The following MARCHF1 variants were observed in gnomAD, a reference collection of about 807,000 sequenced individuals.
The protein encoded by MARCHF1 is E3 ubiquitin-protein ligase MARCHF1.
A neutral mutation model predicts 54.2 loss-of-function variants in MARCHF1; 40 were observed. The observed-to-expected ratio is 0.74, with a 90% CI of 0.57 to 0.96. The LOEUF (loss-of-function observed/expected upper bound fraction) is 0.96, where lower values mean the gene tolerates loss of function less well. MARCHF1 is among the 40% of genes least tolerant of loss of function. MARCHF1 has a pLI of 0.00. For synonymous variants in MARCHF1, 236 were observed against 236.3 expected, an observed-to-expected ratio of 1.00 and a Z score of 0.01; for missense variants, 586 against 656.5, an observed-to-expected ratio of 0.89 and a Z score of 1.17.
chr4:164,125,323 T>C (rs140651028), intron 1 of MARCHF1, among the ~76,000 whole-genome samples: 102 of 152,216 alleles, frequency 6.7e-4, no homozygotes, highest in African/African-American at 2.3e-3. Flanking sequence ...ACTCAATGAA[T>C]AAATACTTAA....
intron 3 of MARCHF1, among the ~76,000 whole-genome samples, chr4:163,887,332 A>T (rs893855450): frequency 6.6e-6 from 1 of 152,166 alleles, no homozygotes; most frequent in Admixed American, 6.6e-5. Context: ...CAATCACTCA[A>T]AGAAACTGGG....
chr4:164,311,490 C>T (rs115879500), intron 1 of MARCHF1, among the ~76,000 whole-genome samples: 8 of 152,162 alleles, frequency 5.3e-5, no homozygotes, highest in Admixed American at 3.9e-4. Flanking sequence ...TATAAGAAAC[C>T]TTTCCAATGA....
rs532610707 is a variant in MARCHF1, at chr4:164,101,185, G to T, written c.-248+10403C>A. 3.3e-5 allele frequency among the ~76,000 whole-genome samples: 5 copies of T among 152,358 alleles called. 1 individual carries two copies. Among genetic ancestry groups the T allele is most frequent in the Middle Eastern group, 6.8e-3 (2 of 294 alleles). On this transcript the variant is annotated intron_variant, in intron 2 of 9. Coordinates refer to ENST00000514618, the MANE Select transcript of MARCHF1 (RefSeq NM_001394959.1). ...CTGCAAGGCAGCAGCGAGGCCGGGG[G>T]AGGGGCACCCGCCATTGCCCAGGCT...
At chr4:163,864,656 T>A (rs976682324) in intron 3 of MARCHF1, among the ~76,000 whole-genome samples, 4 of 151,962 alleles carry the variant, frequency 2.6e-5, no homozygotes, top group Non-Finnish European at 5.9e-5. Context: ...GGGAACTCCT[T>A]GCAATAGGTT....
intron 2 of MARCHF1, among the ~76,000 whole-genome samples, chr4:164,024,230 A>G (rs1454820365): frequency 6.6e-6 from 1 of 152,134 alleles, no homozygotes; most frequent in Non-Finnish European, 1.5e-5. Context: ...TCCAAGAAAT[A>G]TAAAGTACCC....
chr4:164,159,373 A>G (rs1313434525), intron 1 of MARCHF1, among the ~76,000 whole-genome samples: 1 of 152,152 alleles, frequency 6.6e-6, no homozygotes. Flanking sequence ...TCTTTACCAC[A>G]AAACGTCCAT....
rs569554245 is a variant in MARCHF1, at chr4:163,638,582, T to A, written c.163-25189A>T. Among the ~76,000 whole-genome samples the A allele has an allele frequency of 1.2e-4, 18 of 152,236 alleles. No homozygotes were observed. In the East Asian group the frequency reaches 1.9e-3, roughly 16 times the overall value. On this transcript the variant is annotated intron_variant, in intron 5 of 9. Transcript: ENST00000514618. ...AAGAGTCAATCAAATTACTTTTTTT[T>A]AAATTACCCAGCCTCAGATATTTCT... is the stretch of plus-strand genomic sequence containing the variant.
At position 163,612,900 on chromosome 4, in the gene MARCHF1, T is replaced by C; in HGVS notation, c.381A>G (p.Arg127=). 3 of 1,535,538 alleles carry C rather than the reference T, an allele frequency of 2.0e-6. No individual in the cohort carries two copies. Among genetic ancestry groups the C allele is most frequent in the Non-Finnish European group, 2.6e-6 (3 of 1,146,544 alleles). The stretch of plus-strand genomic sequence containing the variant: ...TTTGTTCTTCTGCAGCATGCTCATA[T>C]CTCTCAGAGGCTTTTCTCCTCCTCC... ...RPRRRRKASE[R]YEHAAEEQIR... is the part of the protein sequence containing the mutation. The change falls in exon 7 of 10, where the codon AGA becomes AGG. Residue 127 remains arginine (R), a synonymous_variant. Transcript: ENST00000514618.
intron 4 of MARCHF1, among the ~76,000 whole-genome samples, chr4:163,721,000 C>T (rs1056218458): frequency 6.6e-6 from 1 of 152,136 alleles, no homozygotes; most frequent in Non-Finnish European, 1.5e-5. Context: ...TTCCTCTTTT[C>T]CTAATTGAAT....
intron 3 of MARCHF1, among the ~76,000 whole-genome samples, chr4:163,971,404 C>G (rs1170389886): frequency 2.0e-5 from 3 of 152,088 alleles, no homozygotes; most frequent in Admixed American, 2.0e-4. Flanking sequence ...TGGTTATTGC[C>G]CATAGAAAAC....
intron 4 of MARCHF1, among the ~76,000 whole-genome samples, chr4:163,731,436 T>C (rs958948008): frequency 6.6e-6 from 1 of 152,054 alleles, no homozygotes; most frequent in African/African-American, 2.4e-5. Flanking sequence ...GATAGACAAA[T>C]AAAGTGAGGC....
chr4:163,530,145 A>G (rs554937713), intron 9 of MARCHF1: 1 of 152,114 alleles, frequency 6.6e-6, no homozygotes, highest in Admixed American at 6.6e-5. Flanking sequence ...GCAAAGCAGA[A>G]ATCATGCCCT....
chr4:164,296,046 G>C (rs1200206187), intron 1 of MARCHF1, among the ~76,000 whole-genome samples: 1 of 152,074 alleles, frequency 6.6e-6, no homozygotes. Context: ...CTCTTAAACG[G>C]AAATTCCCAG....
At chr4:164,288,984 A>T (rs1050680319) in intron 1 of MARCHF1, among the ~76,000 whole-genome samples, 2 of 152,084 alleles carry the variant, frequency 1.3e-5, no homozygotes, top group East Asian at 1.9e-4. Context: ...AGAATTGACT[A>T]TGTAAAAAAT....
At chr4:164,370,672 G>A (rs1425813647) in intron 1 of MARCHF1, among the ~76,000 whole-genome samples, 1 of 152,216 alleles carries the variant, frequency 6.6e-6, no homozygotes, top group Non-Finnish European at 1.5e-5. Context: ...ACTTTGGGAA[G>A]CCCAGGCGGG....
intron 5 of MARCHF1, among the ~76,000 whole-genome samples, chr4:163,680,143 A>G (rs1310912866): frequency 6.6e-6 from 1 of 152,142 alleles, no homozygotes; most frequent in Admixed American, 6.5e-5. Context: ...GATCTGGTCT[A>G]TACTTATTTC....
chr4:163,904,904 T>G (rs1751030956), intron 3 of MARCHF1, among the ~76,000 whole-genome samples: 1 of 152,166 alleles, frequency 6.6e-6, no homozygotes, highest in African/African-American at 2.4e-5. Context: ...TACATCTGAT[T>G]CTAACTTGTA....
chr4:164,176,589 C>A (rs578193806), intron 1 of MARCHF1, among the ~76,000 whole-genome samples: 1 of 151,970 alleles, frequency 6.6e-6, no homozygotes, highest in Non-Finnish European at 1.5e-5. Flanking sequence ...AATCAGAGAA[C>A]CAAATAATTA....
intron 8 of MARCHF1, among the ~76,000 whole-genome samples, chr4:163,549,156 G>A (rs143237994): frequency 1.1e-3 from 161 of 152,288 alleles, no homozygotes; most frequent in African/African-American, 3.6e-3. Flanking sequence ...CACACTACAC[G>A]CGCCCACCAC....
Sources: gnomAD v4.1 joint callset for allele counts (sites outside exome capture counted in the v4.1 genomes callset) on GRCh38, gnomAD v4.1.1 for gene constraint, MANE v1.5 for transcripts, NCBI Gene and HGNC (gene_info 2026-07-23, HGNC 2026-07-21) for gene names.